CSMD3: variants seen among roughly 807,000 people sequenced by gnomAD.
CSMD3 encodes CUB and sushi domain-containing protein 3.
Under a neutral mutation model 435.2 loss-of-function variants are expected in CSMD3, and 177 were observed. That is an observed-to-expected ratio of 0.41 (90% CI 0.36 to 0.46). The LOEUF is 0.46. CSMD3 is among the 20% of genes least tolerant of loss of function. The pLI is 0.34. For synonymous variants in CSMD3, 1,656 were observed against 1,520.5 expected, an observed-to-expected ratio of 1.09 and a Z score of -2.07; for missense variants, 4,265 against 4,504.6, an observed-to-expected ratio of 0.95 and a Z score of 1.52.
chr8:112,856,168 T>A (rs906072431), intron 11 of CSMD3, among the ~76,000 whole-genome samples: 1 of 151,910 alleles, frequency 6.6e-6, no homozygotes, highest in Non-Finnish European at 1.5e-5. Context: ...ATTATTTTCA[T>A]TACTCAAATG....
intron 9 of CSMD3, among the ~76,000 whole-genome samples, chr8:112,922,908 T>G (rs2082791194): frequency 6.6e-6 from 1 of 152,158 alleles, no homozygotes; most frequent in Non-Finnish European, 1.5e-5. Context: ...CTTAAAAGTT[T>G]ACATAACGGT....
At chr8:112,793,663 T>C (rs180671517) in intron 13 of CSMD3, among the ~76,000 whole-genome samples, 1 of 152,228 alleles carries the variant, frequency 6.6e-6, no homozygotes, top group Admixed American at 6.5e-5. Context: ...AAAAGGAAAG[T>C]GATGCACAGA....
rs748959711 is a variant in CSMD3 at position 112,492,535 on chromosome 8, T to C, written c.5232A>G (p.Gly1744=). 7 of 1,613,850 alleles carry C rather than the reference T, an allele frequency of 4.3e-6. No homozygotes were observed. Among genetic ancestry groups the C allele is most frequent in the Non-Finnish European group, 5.1e-6 (6 of 1,179,892 alleles). Residue 1744 remains glycine, a synonymous_variant, in exon 31 of 71, where the codon GGA becomes GGG. Coordinates refer to ENST00000297405, the MANE Select transcript of CSMD3 (RefSeq NM_198123.2). ...TATTCCATCCAGGTCTTCCATCATC[T>C]CCCATGATACAGGTGAGTGTTGAAT... The part of the protein sequence containing the change: ...QGYSTLTCIM[G]DDGRPGWNRA...
intron 1 of CSMD3, among the ~76,000 whole-genome samples, chr8:113,383,918 C>A (rs1169031611): frequency 1.3e-5 from 2 of 152,104 alleles, no homozygotes; most frequent in Non-Finnish European, 2.9e-5. Context: ...TTCAAGTGCA[C>A]CCCCTACCAA....
intron 3 of CSMD3, among the ~76,000 whole-genome samples, chr8:113,228,217 C>T (rs2093048892): frequency 6.6e-6 from 1 of 151,528 alleles, no homozygotes; most frequent in Non-Finnish European, 1.5e-5. Context: ...ATTTTGCCAT[C>T]ATATATTTAA....
intron 1 of CSMD3, among the ~76,000 whole-genome samples, chr8:113,338,752 A>G (rs1024560601): frequency 1.3e-5 from 2 of 151,888 alleles, no homozygotes; most frequent in Non-Finnish European, 2.9e-5. Flanking sequence ...ATGGAGTGTG[A>G]TTGATAATAG....
intron 31 of CSMD3, among the ~76,000 whole-genome samples, chr8:112,477,037 T>TA (rs1819124379): frequency 6.6e-6 from 1 of 152,226 alleles, no homozygotes. Context: ...GTTGGATTAT[T>TA]AAATGAACCA....
chr8:112,877,641 G>A (rs367880311), intron 10 of CSMD3, among the ~76,000 whole-genome samples: 4 of 152,062 alleles, frequency 2.6e-5, no homozygotes, highest in African/African-American at 9.7e-5. Flanking sequence ...AAAGCTGGAG[G>A]CACCACACTA....
At chr8:113,015,215 C>A (rs1221844860) in intron 6 of CSMD3, among the ~76,000 whole-genome samples, 1 of 151,976 alleles carries the variant, frequency 6.6e-6, no homozygotes, top group East Asian at 1.9e-4. Context: ...AGGGCATTTT[C>A]GATATGGTTT....
chr8:113,078,182 A>G (rs2131438979), intron 5 of CSMD3, among the ~76,000 whole-genome samples: 1 of 152,292 alleles, frequency 6.6e-6, no homozygotes, highest in South Asian at 2.1e-4. Context: ...TATGCAGACT[A>G]TCATATTATT....
chr8:112,383,748 G>A lies in CSMD3; in HGVS notation c.5935-85C>T. On this transcript the variant is annotated intron_variant, in intron 36 of 70. Coordinates refer to ENST00000297405, the MANE Select transcript of CSMD3 (RefSeq NM_198123.2). Reference sequence around the variant, plus strand: ...GTCCACCAATCCCCCTTGGAAAAGAGAGTTCAAATCCTGAACCACATAATT... The same window carrying A: ...GTCCACCAATCCCCCTTGGAAAAGAAAGTTCAAATCCTGAACCACATAATT... 3.4e-6 allele frequency: 3 copies of A among 879,930 alleles called. No individual in the cohort carries two copies. The African/African-American group carries it at 5.0e-5, about 15-fold the overall frequency. The allele number at this position is 879,930 out of a possible 1,614,324, so 54.5% of individuals were successfully genotyped here.
intron 6 of CSMD3, among the ~76,000 whole-genome samples, chr8:113,011,610 T>C (rs1308533489): frequency 6.6e-6 from 1 of 151,832 alleles, no homozygotes; most frequent in African/African-American, 2.4e-5. Flanking sequence ...TAAAACTCCT[T>C]CTTTACATTT....
intron 4 of CSMD3, among the ~76,000 whole-genome samples, chr8:113,130,448 C>G (rs1046026830): frequency 6.6e-6 from 1 of 152,158 alleles, no homozygotes; most frequent in African/African-American, 2.4e-5. Flanking sequence ...CTGTCTCTTC[C>G]TCCTGCTCTA....
chr8:112,582,190 G>A (rs532139942), intron 23 of CSMD3, among the ~76,000 whole-genome samples: 17 of 152,006 alleles, frequency 1.1e-4, no homozygotes, highest in African/African-American at 3.4e-4. Context: ...GATTAAAAGC[G>A]TGGAACCTGT....
At chr8:112,502,476 G>A (rs542072900) in intron 30 of CSMD3, among the ~76,000 whole-genome samples, 1 of 152,296 alleles carries the variant, frequency 6.6e-6, no homozygotes, top group Non-Finnish European at 1.5e-5. Context: ...ACAGTTCCAA[G>A]TGATGACAGA....
At chr8:112,462,057 A>G (rs1366523050) in intron 32 of CSMD3, among the ~76,000 whole-genome samples, 1 of 152,184 alleles carries the variant, frequency 6.6e-6, no homozygotes, top group African/African-American at 2.4e-5. Flanking sequence ...ATTTGCTTAA[A>G]GTCACATGGC....
At chr8:112,945,662 A>C (rs186140240) in intron 9 of CSMD3, among the ~76,000 whole-genome samples, 1 of 151,140 alleles carries the variant, frequency 6.6e-6, no homozygotes, top group African/African-American at 2.4e-5. Context: ...CTCCATTAAA[A>C]AAAACAATGT....
intron 6 of CSMD3, among the ~76,000 whole-genome samples, chr8:113,018,301 GTCA>G (rs1175501555): frequency 2.0e-5 from 3 of 151,738 alleles, no homozygotes; most frequent in African/African-American, 7.3e-5. Context: ...GCTTCCTAAA[GTCA>G]TCATATTAAA....
At chr8:112,871,569 A>C (rs554203742) in intron 10 of CSMD3, among the ~76,000 whole-genome samples, 1 of 152,252 alleles carries the variant, frequency 6.6e-6, no homozygotes, top group South Asian at 2.1e-4. Context: ...CGTGCATAGC[A>C]ATTGTAGAGA....
Sources: gnomAD v4.1 joint callset for allele counts (sites outside exome capture counted in the v4.1 genomes callset) on GRCh38, gnomAD v4.1.1 for gene constraint, MANE v1.5 for transcripts, NCBI Gene and HGNC (gene_info 2026-07-23, HGNC 2026-07-21) for gene names.